Variants in LDLRAP1 observed in about 807,000 individuals in gnomAD.
LDLRAP1 encodes the protein low density lipoprotein receptor adapter protein 1.
LDLRAP1 carries 30 observed loss-of-function variants against 37.8 expected under a neutral mutation model. The ratio of observed to expected loss-of-function variants is 0.79; its 90% CI spans 0.59 to 1.08. LDLRAP1 has a LOEUF of 1.08. LDLRAP1 is among the 50% of genes least tolerant of loss of function. The probability of loss-of-function intolerance (pLI) is 0.00; values close to 1 mark genes in which losing one functional copy is unlikely to be tolerated. For synonymous variants in LDLRAP1, 156 were observed against 169.8 expected, an observed-to-expected ratio of 0.92 and a Z score of 0.63; for missense variants, 375 against 401.6, an observed-to-expected ratio of 0.93 and a Z score of 0.57.
intron 1 of LDLRAP1, 135 bp downstream of exon 1, chr1:25,543,921 C>T: frequency 2.1e-6 from 1 of 466,926 alleles, no homozygotes; most frequent in Non-Finnish European, 3.3e-6. Flanking sequence ...GTGGCCCTTT[C>T]CCGGCCCTGC....
chr1:25,563,609 C>G (rs2044399539), intron 6 of LDLRAP1, 52 bp from the exon 7 acceptor site: 1 of 1,608,238 alleles, frequency 6.2e-7, no homozygotes, highest in African/African-American at 1.3e-5. Flanking sequence ...GGGAGGGGGC[C>G]AGGAAGGAAG....
At chr1:25,580,005 A>G in the LDLRAP1 span, among the ~76,000 whole-genome samples, 2 of 152,320 alleles carry the variant, frequency 1.3e-5, no homozygotes, top group Admixed American at 6.5e-5. Flanking sequence ...TTAAGCAGAA[A>G]GGAACTTATT....
In LDLRAP1 at chr1:25,544,761, C is replaced by T. The variant is rs1372911842; in HGVS notation, c.88+975C>T. Among the ~76,000 whole-genome samples the T allele has an allele frequency of 6.6e-6, 1 of 152,196 alleles. No individual in the cohort carries two copies. The highest frequency in any genetic ancestry group is 1.5e-5 in the Non-Finnish European group (1 of 68,034). On this transcript the variant is annotated intron_variant, in intron 1 of 8. Transcript: ENST00000374338. This position sits in a 1 kb window ranked among gnomAD's most constrained non-coding sequence, Gnocchi z 4.8. ...CTTCCTGCTGGTTTTGGAGCCAGAGCCCAGGACTGCTGCACACTCCCACCT... is the reference window on the plus strand; with the variant it reads ...CTTCCTGCTGGTTTTGGAGCCAGAGTCCAGGACTGCTGCACACTCCCACCT...
intron 4 of LDLRAP1, among the ~76,000 whole-genome samples, chr1:25,557,831 C>T (rs548340756): frequency 1.4e-4 from 21 of 152,100 alleles, no homozygotes; most frequent in Admixed American, 5.9e-4. Context: ...GGTCTTCACT[C>T]GTTTAATTCT....
intron 1 of LDLRAP1, among the ~76,000 whole-genome samples, chr1:25,553,098 A>C (rs1442410935): frequency 1.3e-5 from 2 of 150,586 alleles, no homozygotes; most frequent in Non-Finnish European, 3.0e-5. Flanking sequence ...AGCCTCCCAC[A>C]TGCCCCTGTT....
the LDLRAP1 span, among the ~76,000 whole-genome samples, chr1:25,581,159 A>G: frequency 6.6e-6 from 1 of 152,080 alleles, no homozygotes; most frequent in African/African-American, 2.4e-5. Flanking sequence ...GGTGTGAGGA[A>G]CATGTGTTCT....
chr1:25,582,941 G>C, the LDLRAP1 span, among the ~76,000 whole-genome samples: 19 of 151,326 alleles, frequency 1.3e-4, no homozygotes, highest in African/African-American at 4.4e-4. Context: ...GCGTGGTGAC[G>C]CAGGCCTGTA....
the LDLRAP1 span, among the ~76,000 whole-genome samples, chr1:25,589,853 G>A: frequency 1.2e-4 from 18 of 152,164 alleles, no homozygotes; most frequent in Admixed American, 9.8e-4. Flanking sequence ...CTGTAATCCC[G>A]GCACTTTGGG....
At chr1:25,583,914 C>A in the LDLRAP1 span, among the ~76,000 whole-genome samples, 1 of 152,158 alleles carries the variant, frequency 6.6e-6, no homozygotes, top group Non-Finnish European at 1.5e-5. Flanking sequence ...TGGCTTCTCT[C>A]GCTCTGTGGG....
At position 25,558,850 on chromosome 1, in the gene LDLRAP1, G is replaced by A. The variant is rs190293542; in HGVS notation, c.459+1583G>A. ...GGATTAGGATGTGGACATCTTGGGG[G>A]CGGACACACGATTCAGCCCACCACA... On this transcript the variant is annotated intron_variant, in intron 4 of 8. Transcript: ENST00000374338. Among the ~76,000 whole-genome samples, 728 of 152,302 alleles carry A rather than the reference G, an allele frequency of 4.8e-3. 4 individuals carry two copies. Among genetic ancestry groups the A allele is most frequent in the Non-Finnish European group, 6.6e-3 (450 of 68,024 alleles).
chr1:25,564,974 C>G, intron 7 of LDLRAP1, 199 bp from the exon 8 acceptor site: 3 of 619,840 alleles, frequency 4.8e-6, no homozygotes, highest in Non-Finnish European at 8.7e-6. Context: ...TCCTCTCCCA[C>G]GTCTCCAGCT....
intron 1 of LDLRAP1, among the ~76,000 whole-genome samples, chr1:25,552,086 C>T (rs905926540): frequency 6.6e-6 from 1 of 152,134 alleles, no homozygotes; most frequent in Non-Finnish European, 1.5e-5. Flanking sequence ...GTGTACAAGG[C>T]TCCTTCTGGC....
In LDLRAP1 at chr1:25,544,811, G is replaced by A. The variant is rs2043893314; in HGVS notation, c.88+1025G>A. Among the ~76,000 whole-genome samples, 1 of 152,230 alleles carries A rather than the reference G, an allele frequency of 6.6e-6. No homozygotes were observed. ...TCCCTGCCACCTACTTCGGGCCACA[G>A]CTTCTCCCCTCATCAGGAAACAACT... is the stretch of plus-strand genomic sequence containing the variant. On this transcript the variant is annotated intron_variant, in intron 1 of 8. Transcript: ENST00000374338. The surrounding 1 kb of genome is among the most constrained non-coding windows in gnomAD (Gnocchi z 4.8).
chr1:25,551,319 C>T (rs1013343438), intron 1 of LDLRAP1, among the ~76,000 whole-genome samples: 2 of 152,052 alleles, frequency 1.3e-5, no homozygotes, highest in African/African-American at 4.8e-5. Flanking sequence ...GAAATGCCTC[C>T]GCCTCCAAAA....
At chr1:25,575,673 C>T in the LDLRAP1 span, among the ~76,000 whole-genome samples, 2 of 152,174 alleles carry the variant, frequency 1.3e-5, no homozygotes, top group Admixed American at 6.5e-5. Context: ...ATGGCTGCTC[C>T]GTTTCCTTAT....
In LDLRAP1 at chr1:25,566,959, C is replaced by T. The variant is rs747886166; in HGVS notation, c.894C>T (p.Ser298=). 1.2e-5 allele frequency: 19 copies of T among 1,613,528 alleles called. No individual in the cohort carries two copies. The highest frequency in any genetic ancestry group is 1.4e-5 in the Non-Finnish European group (16 of 1,180,022). Residue 298 remains serine (S), a synonymous_variant, in exon 9 of 9, where the codon AGC becomes AGT. Coordinates refer to ENST00000374338, the MANE Select transcript of LDLRAP1 (RefSeq NM_015627.3). ...TCGACTGGGACAAGCCTGACAGCAG[C>T]GGCACAGAGCAGGATGACCTCTTCA... The part of the protein sequence containing the change: ...SPVDWDKPDS[S]GTEQDDLFSF
Position 25,568,000 on chromosome 1 carries a change from G to C in LDLRAP1, c.*1008G>C, listed in dbSNP as rs1464459496. ...AACAGGCCTCAAGCGTGGAGGGGTA[G>C]AGTGAAGAGTAGAACCCAGGTCTGA... On this transcript the variant is annotated 3_prime_UTR_variant, in exon 9 of 9. Transcript: ENST00000374338. 6.6e-6 allele frequency: 1 copy of C among 152,612 alleles called. No individual in the cohort carries two copies. Among genetic ancestry groups the C allele is most frequent in the Non-Finnish European group, 1.5e-5 (1 of 68,050 alleles). 9.5% of individuals were successfully genotyped at this position (152,612 alleles called of 1,614,324 possible).
In LDLRAP1 at chr1:25,557,176, A is replaced by G. The variant is rs1407743394; in HGVS notation, c.368A>G (p.Lys123Arg). The G allele has an allele frequency of 6.2e-7, 1 of 1,614,128 alleles. No homozygotes were observed. The highest frequency in any genetic ancestry group is 8.5e-7 in the Non-Finnish European group (1 of 1,179,972). ...IYRISYCTAD[K>R]MHDKVFAYIA... ...AGGATCTCCTATTGCACAGCAGACA[A>G]GATGCACGACAAGGTGTTTGCATAC... is the stretch of plus-strand genomic sequence containing the variant. Residue 123 changes from lysine (K) to arginine (R), a missense_variant, in exon 4 of 9, where the codon AAG (lysine) becomes AGG (arginine). Physicochemically the swap from Lys to Arg is conservative, Grantham distance 26 (BLOSUM62 2). Coordinates refer to ENST00000374338, the MANE Select transcript of LDLRAP1 (RefSeq NM_015627.3).
intron 4 of LDLRAP1, among the ~76,000 whole-genome samples, chr1:25,560,664 G>GGCT (rs966748079): frequency 2.3e-4 from 35 of 152,374 alleles, no homozygotes; most frequent in African/African-American, 7.0e-4. Flanking sequence ...GGGGCAGCAG[G>GGCT]GCTGCTGGGG....
Sources: allele counts gnomAD v4.1 joint callset (sites outside exome capture counted in the v4.1 genomes callset), GRCh38; gene constraint gnomAD v4.1.1; non-coding constraint Gnocchi (gnomAD v3.1); transcripts MANE v1.5; gene names NCBI Gene and HGNC (gene_info 2026-07-23, HGNC 2026-07-21).